The following NFIB variants were observed in gnomAD, a reference collection of about 807,000 sequenced individuals.
NFIB encodes the protein nuclear factor 1 B-type.
A neutral mutation model predicts 61.5 loss-of-function variants in NFIB; 11 were observed. That is an observed-to-expected ratio of 0.18 (90% CI 0.11 to 0.30). The LOEUF is 0.30. NFIB is among the 10% of genes least tolerant of loss of function. The pLI is 1.00. For missense variants in NFIB, 471 were observed against 608.9 expected (o/e 0.77, Z 2.38); for synonymous variants, 260 against 216.5 (o/e 1.20, Z -1.76).
chr9:14,131,538 G>A (rs888986537), intron 6 of NFIB, among the ~76,000 whole-genome samples: 1 of 152,116 alleles, frequency 6.6e-6, no homozygotes, highest in Admixed American at 6.6e-5. Flanking sequence ...GTATGTACTC[G>A]ACTCATCGGC....
the NFIB span, among the ~76,000 whole-genome samples, chr9:14,501,134 T>G: frequency 6.6e-6 from 1 of 152,234 alleles, no homozygotes; most frequent in Non-Finnish European, 1.5e-5. Context: ...TGATGAGTGG[T>G]GAGTGGGAAC....
intron 2 of NFIB, among the ~76,000 whole-genome samples, chr9:14,304,660 T>C (rs28666437): frequency 0.034 from 5,147 of 152,328 alleles, 197 homozygotes; most frequent in African/African-American, 0.099. Flanking sequence ...TTCTGATTTT[T>C]CTTTCGTGTT....
intron 6 of NFIB, among the ~76,000 whole-genome samples, chr9:14,132,465 T>TTTC (rs2040509548): frequency 6.6e-6 from 1 of 152,192 alleles, no homozygotes; most frequent in African/African-American, 2.4e-5. Context: ...TTAAAATATC[T>TTTC]ACATATTTTC....
At chr9:14,344,221 G>A (rs891572317) in intron 1 of NFIB, among the ~76,000 whole-genome samples, 11 of 151,950 alleles carry the variant, frequency 7.2e-5, no homozygotes, top group African/African-American at 2.7e-4. Context: ...CAGACCCCAA[G>A]AGAGGCACAC....
chr9:14,134,211 G>C (rs1205513165), intron 6 of NFIB, among the ~76,000 whole-genome samples: 3 of 152,152 alleles, frequency 2.0e-5, no homozygotes, highest in African/African-American at 7.2e-5. Context: ...AATTATTACG[G>C]CTTATAACAA....
chr9:14,141,555 C>T (rs2041703868), intron 6 of NFIB, among the ~76,000 whole-genome samples: 1 of 152,020 alleles, frequency 6.6e-6, no homozygotes, highest in Admixed American at 6.6e-5. Flanking sequence ...GTAAAAGTTA[C>T]TTTTCCATTC....
At chr9:14,157,255 C>T (rs570339789) in intron 3 of NFIB, among the ~76,000 whole-genome samples, 115 of 152,250 alleles carry the variant, frequency 7.6e-4, no homozygotes, top group African/African-American at 2.7e-3. Context: ...CCAAAATGAT[C>T]CGCAAATCTT....
intron 1 of NFIB, among the ~76,000 whole-genome samples, chr9:14,336,431 G>A (rs1477586417): frequency 6.6e-6 from 1 of 152,234 alleles, no homozygotes; most frequent in Non-Finnish European, 1.5e-5. Flanking sequence ...TCTACAGACT[G>A]ACCTCATGGG....
chr9:14,222,996 G>C (rs2051886010), intron 2 of NFIB, among the ~76,000 whole-genome samples: 2 of 151,820 alleles, frequency 1.3e-5, no homozygotes, highest in Non-Finnish European at 2.9e-5. Context: ...GGCTTCCCTG[G>C]GCCACACTAG....
chr9:14,120,671 T>C lies in NFIB; in HGVS notation c.1061-47A>G, dbSNP rs1404829637. 1.3e-6 allele frequency: 2 copies of C among 1,523,570 alleles called. No homozygotes were observed. The highest frequency in any genetic ancestry group is 1.8e-6 in the Non-Finnish European group (2 of 1,132,866). 94.4% of individuals were successfully genotyped at this position (1,523,570 alleles called of 1,614,324 possible). A position where few individuals can be genotyped will look rare whatever the true frequency, so the allele number is the denominator to read the frequency against. On this transcript the variant is annotated intron_variant, in intron 7 of 10. Coordinates refer to ENST00000380953, the MANE Select transcript of NFIB (RefSeq NM_001190737.2). The surrounding 1 kb of genome is among the most constrained non-coding windows in gnomAD (Gnocchi z 4.4). ...AGATTGACTCATCAGCTGGTTACCTTATTGCTCCATTCTGATCCTGAAGAA... is the reference window on the plus strand; with the variant it reads ...AGATTGACTCATCAGCTGGTTACCTCATTGCTCCATTCTGATCCTGAAGAA...
rs1020548938 is a variant in NFIB at position 14,313,635 on chromosome 9, C to A, written c.-124G>T. 3 of 1,560,678 alleles carry A rather than the reference C, an allele frequency of 1.9e-6. No homozygotes were observed. The highest frequency in any genetic ancestry group is 1.8e-5 in the Admixed American group (1 of 54,288). On this transcript the variant is annotated 5_prime_UTR_variant, in exon 1 of 11. Transcript: ENST00000380953. The surrounding 1 kb of genome is among the most constrained non-coding windows in gnomAD (Gnocchi z 4.5). ...TGCGATCAATCAGGACGGGGCTCTG[C>A]GCTGGATCACCGCAACTTCACAACA...
intron 2 of NFIB, among the ~76,000 whole-genome samples, chr9:14,219,774 T>A (rs1044784991): frequency 1.4e-4 from 21 of 151,870 alleles, no homozygotes; most frequent in Non-Finnish European, 2.9e-5. Context: ...AAATTAAGAG[T>A]TCTTCAGATG....
At chr9:14,458,455 A>C in the NFIB span, among the ~76,000 whole-genome samples, 15 of 152,364 alleles carry the variant, frequency 9.8e-5, no homozygotes, top group South Asian at 2.7e-3. Context: ...GAAAACTGGC[A>C]CAAGACAGGG....
At chr9:14,446,179 T>G in the NFIB span, among the ~76,000 whole-genome samples, 2 of 152,222 alleles carry the variant, frequency 1.3e-5, no homozygotes, top group Non-Finnish European at 2.9e-5. Flanking sequence ...TGGTTTTGTT[T>G]GTATGTTATG....
intron 2 of NFIB, among the ~76,000 whole-genome samples, chr9:14,182,412 A>G (rs2046880647): frequency 1.3e-5 from 2 of 152,202 alleles, no homozygotes; most frequent in Admixed American, 1.3e-4. Context: ...TAGAGCATTT[A>G]CTTTTCAGAC....
chr9:14,476,710 A>G, the NFIB span, among the ~76,000 whole-genome samples: 1 of 152,222 alleles, frequency 6.6e-6, no homozygotes, highest in Admixed American at 6.5e-5. Flanking sequence ...AAAAAAACCA[A>G]CAACCAACCA....
At chr9:14,264,570 T>C (rs866036303) in intron 2 of NFIB, among the ~76,000 whole-genome samples, 1 of 152,190 alleles carries the variant, frequency 6.6e-6, no homozygotes, top group Non-Finnish European at 1.5e-5. Flanking sequence ...TTTATCTATC[T>C]GAGGATTACC....
At chr9:14,246,484 C>G (rs2054940326) in intron 2 of NFIB, among the ~76,000 whole-genome samples, 1 of 152,188 alleles carries the variant, frequency 6.6e-6, no homozygotes, top group East Asian at 1.9e-4. Flanking sequence ...CCTTCCTAAT[C>G]AACCCTGCAT....
At chr9:14,293,365 T>G (rs1308430976) in intron 2 of NFIB, among the ~76,000 whole-genome samples, 2 of 152,238 alleles carry the variant, frequency 1.3e-5, no homozygotes, top group African/African-American at 2.4e-5. Context: ...GCACGCAATC[T>G]GTCCTAGAAT....
Sources: allele counts gnomAD v4.1 joint callset (sites outside exome capture counted in the v4.1 genomes callset), GRCh38; gene constraint gnomAD v4.1.1; non-coding constraint Gnocchi (gnomAD v3.1); transcripts MANE v1.5; gene names NCBI Gene and HGNC (gene_info 2026-07-23, HGNC 2026-07-21).